Variants in ABCC1 observed in about 807,000 individuals in gnomAD.
ABCC1 encodes ATP binding cassette subfamily C member 1 (ABCC1 blood group).
A neutral mutation model predicts 172.9 loss-of-function variants in ABCC1; 83 were observed. That is an observed-to-expected ratio of 0.48 (90% CI 0.40 to 0.58). The LOEUF (loss-of-function observed/expected upper bound fraction) is 0.58, where lower values mean the gene tolerates loss of function less well. ABCC1 is among the 20% of genes least tolerant of loss of function. The pLI is 0.00. For synonymous variants in ABCC1, 937 were observed against 825.2 expected, an observed-to-expected ratio of 1.14 and a Z score of -2.32; for missense variants, 1,817 against 2,002.7, an observed-to-expected ratio of 0.91 and a Z score of 1.77.
Position 16,007,834 on chromosome 16 carries a change from A to G in ABCC1, c.67A>G (p.Asn23Asp). Residue 23 changes from asparagine to aspartate, a missense_variant, in exon 2 of 31, where the codon AAT (asparagine) becomes GAT (aspartate). By Grantham distance (23) the Asn-to-Asp change is conservative. Coordinates refer to ENST00000399410, the MANE Select transcript of ABCC1 (RefSeq NM_004996.4). ...DPLWDWNVTW[N>D]TSNPDFTKCF... is the part of the protein sequence containing the mutation. Reference sequence around the variant, plus strand: ...TTCGCAGGACTGGAATGTCACGTGGAATACCAGCAACCCCGACTTCACCAA... The same window carrying G: ...TTCGCAGGACTGGAATGTCACGTGGGATACCAGCAACCCCGACTTCACCAA... 1.2e-6 allele frequency: 2 copies of G among 1,612,816 alleles called. No homozygotes were observed. Among genetic ancestry groups the G allele is most frequent in the Non-Finnish European group, 1.7e-6 (2 of 1,179,498 alleles).
At chr16:15,965,544 G>A (rs1196299748) in intron 1 of ABCC1, among the ~76,000 whole-genome samples, 1 of 151,948 alleles carries the variant, frequency 6.6e-6, no homozygotes, top group Non-Finnish European at 1.5e-5. Context: ...TGCCCACTTC[G>A]GCCTCCCAAA....
At position 16,138,446 on chromosome 16, in the gene ABCC1, G is replaced by C. The variant is rs748516564; in HGVS notation, c.4375G>C (p.Ala1459Pro). The C allele has an allele frequency of 6.2e-7, 1 of 1,613,074 alleles. No individual in the cohort carries two copies. The highest frequency in any genetic ancestry group is 1.7e-5 in the Admixed American group (1 of 59,988). Residue 1459 changes from alanine (A) to proline (P), a missense_variant, in exon 30 of 31, where the codon GCC (alanine) becomes CCC (proline). Coordinates refer to ENST00000399410, the MANE Select transcript of ABCC1 (RefSeq NM_004996.4). ...CCTTGTGTTGGATGAGGCCACGGCA[G>C]CCGTGGACCTGGAAACGGACGACCT... ...KILVLDEATA[A>P]VDLETDDLIQ...
intron 1 of ABCC1, among the ~76,000 whole-genome samples, chr16:15,955,130 C>T (rs748423894): frequency 5.3e-5 from 8 of 152,082 alleles, no homozygotes; most frequent in Non-Finnish European, 7.4e-5. Context: ...CCAAGGCAGA[C>T]GGATCATTTG....
At chr16:16,018,693 G>T (rs956473217) in intron 5 of ABCC1, among the ~76,000 whole-genome samples, 1 of 151,870 alleles carries the variant, frequency 6.6e-6, no homozygotes, top group African/African-American at 2.4e-5. Context: ...GTGTGTACGT[G>T]TGCATGTGCC....
chr16:15,985,679 A>G (rs2046727781), intron 1 of ABCC1, among the ~76,000 whole-genome samples: 1 of 151,872 alleles, frequency 6.6e-6, no homozygotes, highest in African/African-American at 2.4e-5. Flanking sequence ...TCCTGACCTC[A>G]GGTGATCCTC....
intron 11 of ABCC1, among the ~76,000 whole-genome samples, chr16:16,054,288 T>C (rs763495978): frequency 2.0e-5 from 3 of 151,988 alleles, no homozygotes; most frequent in Non-Finnish European, 4.4e-5. Flanking sequence ...ATATATGTTT[T>C]GTGTGTGTGA....
intron 25 of ABCC1, 40 bp from the exon 26 acceptor site, chr16:16,125,770 C>A (rs148910890): frequency 9.3e-6 from 13 of 1,394,052 alleles, no homozygotes; most frequent in Middle Eastern, 1.8e-4. Context: ...CAAGTACGCC[C>A]GCTTACTCTA....
At chr16:16,081,479 T>G (rs1360843475) in intron 16 of ABCC1, among the ~76,000 whole-genome samples, 1 of 152,214 alleles carries the variant, frequency 6.6e-6, no homozygotes, top group Non-Finnish European at 1.5e-5. Context: ...TTGTTTGGCC[T>G]AGGTAAGGGG....
At chr16:16,102,192 TTATC>T (rs2051787355) in intron 19 of ABCC1, among the ~76,000 whole-genome samples, 2 of 151,474 alleles carry the variant, frequency 1.3e-5, no homozygotes, top group African/African-American at 4.9e-5. Flanking sequence ...GTCAAATTGG[TTATC>T]TATTTTGAAT....
chr16:15,958,316 G>T (rs566398108), intron 1 of ABCC1, among the ~76,000 whole-genome samples: 20 of 151,970 alleles, frequency 1.3e-4, no homozygotes, highest in Non-Finnish European at 2.6e-4. Context: ...ATATTGGCCA[G>T]GCTGGTCTTG....
chr16:16,076,103 C>A, intron 14 of ABCC1: 1 of 546,004 alleles, frequency 1.8e-6, no homozygotes, highest in Non-Finnish European at 3.2e-6. Flanking sequence ...AAGGACAAAG[C>A]TGCTTGCAGT....
chr16:16,095,593 G>T (rs899175308), intron 19 of ABCC1, among the ~76,000 whole-genome samples: 1 of 152,174 alleles, frequency 6.6e-6, no homozygotes, highest in Non-Finnish European at 1.5e-5. Context: ...TGTGTGCTCC[G>T]ACTTCACACT....
intron 1 of ABCC1, among the ~76,000 whole-genome samples, chr16:15,951,939 C>T (rs2045884069): frequency 1.3e-5 from 2 of 152,208 alleles, no homozygotes; most frequent in Non-Finnish European, 1.5e-5. Flanking sequence ...ATCCTCCTGC[C>T]TTGGCCTCCA....
At position 16,068,312 on chromosome 16, in the gene ABCC1, G is replaced by A. The variant is rs2050193054; in HGVS notation, c.1824+10G>A. The A allele has an allele frequency of 1.2e-6, 2 of 1,613,562 alleles. No homozygotes were observed. Among genetic ancestry groups the A allele is most frequent in the East Asian group, 2.2e-5 (1 of 44,862 alleles). ...CAGCAGCATCGTGCAGGTACAGGGG[G>A]AAGCTGGGGCGACTTCCGAGAGGGG... On this transcript the variant is annotated intron_variant, in intron 13 of 30. Coordinates refer to ENST00000399410, the MANE Select transcript of ABCC1 (RefSeq NM_004996.4).
intron 27 of ABCC1, among the ~76,000 whole-genome samples, chr16:16,132,510 GTTTTTTTTTTTT>G (rs71137915): frequency 2.1e-4 from 8 of 37,300 alleles, no homozygotes; most frequent in Middle Eastern, 0.022. Context: ...TTGGTTGGTT[GTTTTTTTTTTTT>G]TTTTTTTTTT....
intron 18 of ABCC1, among the ~76,000 whole-genome samples, chr16:16,088,122 TGC>T (rs1327220291): frequency 1.1e-5 from 1 of 94,866 alleles, no homozygotes; most frequent in African/African-American, 3.5e-5. Flanking sequence ...TATGTGTGTA[TGC>T]GTGTGTGTGT....
Position 16,111,404 on chromosome 16 carries a change from GAAGGCCA to G in ABCC1, c.2902_2908del (p.Lys968SerfsTer47). 1 of 1,614,106 alleles carries G rather than the reference GAAGGCCA, an allele frequency of 6.2e-7. No individual in the cohort carries two copies. The highest frequency in any genetic ancestry group is 8.5e-7 in the Non-Finnish European group (1 of 1,180,032). On this transcript the variant is annotated frameshift_variant, in exon 22 of 31. Coordinates refer to ENST00000399410, the MANE Select transcript of ABCC1 (RefSeq NM_004996.4). LOFTEE classifies it high-confidence loss of function. ...AGCTTTCCGTGTACTGGGACTACATGAAGGCCATCGGACTCTTCATCTCCTTCCTCAG... is the reference window on the plus strand; with the variant it reads ...AGCTTTCCGTGTACTGGGACTACATGTCGGACTCTTCATCTCCTTCCTCAG...
intron 24 of ABCC1, among the ~76,000 whole-genome samples, chr16:16,122,647 G>C (rs1346089041): frequency 1.3e-5 from 2 of 150,756 alleles, no homozygotes; most frequent in African/African-American, 4.9e-5. Context: ...TTGGGAGGCT[G>C]AGGCAGGAGG....
At chr16:15,986,349 C>T (rs1397565691) in intron 1 of ABCC1, among the ~76,000 whole-genome samples, 1 of 152,172 alleles carries the variant, frequency 6.6e-6, no homozygotes, top group East Asian at 1.9e-4. Context: ...AACTCCTGGG[C>T]CATGAACCAG....
Sources: gnomAD v4.1 joint callset for allele counts (sites outside exome capture counted in the v4.1 genomes callset) on GRCh38, gnomAD v4.1.1 for gene constraint, MANE v1.5 for transcripts, NCBI Gene and HGNC (gene_info 2026-07-23, HGNC 2026-07-21) for gene names.